The following UNC80 variants were observed in gnomAD, a reference collection of about 807,000 sequenced individuals.
The protein encoded by UNC80 is protein unc-80 homolog.
A neutral mutation model predicts 384.6 loss-of-function variants in UNC80; 164 were observed. The observed-to-expected ratio is 0.43, with a 90% confidence interval of 0.38 to 0.49. UNC80 has a LOEUF of 0.49. UNC80 is among the 20% of genes least tolerant of loss of function. The pLI is 0.00. For missense variants in UNC80, 3,330 were observed against 4,143.0 expected, an observed-to-expected ratio of 0.80 and a Z score of 5.39; for synonymous variants, 1,486 against 1,527.8, an observed-to-expected ratio of 0.97 and a Z score of 0.64.
At chr2:209,992,057 T>G in intron 61 of UNC80, 109 bp from the exon 62 acceptor site, 1 of 763,618 alleles carries the variant, frequency 1.3e-6, no homozygotes, top group Non-Finnish European at 2.0e-6. Flanking sequence ...TCAAAGATAA[T>G]GGTATCTTTG....
intron 59 of UNC80, among the ~76,000 whole-genome samples, chr2:209,980,550 T>C (rs2093132587): frequency 6.6e-6 from 1 of 152,214 alleles, no homozygotes; most frequent in Non-Finnish European, 1.5e-5. Flanking sequence ...GTTTGTGATA[T>C]GGGTGTGTAG....
intron 11 of UNC80, among the ~76,000 whole-genome samples, chr2:209,818,540 T>C (rs2079908665): frequency 6.6e-6 from 1 of 152,204 alleles, no homozygotes; most frequent in Admixed American, 6.5e-5. Context: ...TTCAATGATA[T>C]CTGTTAGTTA....
intron 42 of UNC80, among the ~76,000 whole-genome samples, chr2:209,938,943 G>A (rs1018511202): frequency 1.3e-5 from 2 of 152,086 alleles, no homozygotes; most frequent in African/African-American, 4.8e-5. Context: ...AAGGACCTAA[G>A]AACCAAGAGC....
At chr2:209,964,643 C>A (rs750696559) in intron 51 of UNC80, among the ~76,000 whole-genome samples, 76 of 151,984 alleles carry the variant, frequency 5.0e-4, no homozygotes, top group Non-Finnish European at 1.0e-3. Context: ...CAAAAATTAG[C>A]TGGGCGTGGT....
chr2:209,836,301 A>G (rs1468053482), intron 18 of UNC80, among the ~76,000 whole-genome samples: 1 of 152,196 alleles, frequency 6.6e-6, no homozygotes, highest in Admixed American at 6.5e-5. Context: ...CCATGAGACT[A>G]GTTAAAAGGC....
chr2:209,926,578 A>G (rs570768143), intron 35 of UNC80, among the ~76,000 whole-genome samples: 22 of 152,266 alleles, frequency 1.4e-4, no homozygotes, highest in African/African-American at 5.3e-4. Flanking sequence ...GTAGTTCAAG[A>G]CCGACTGGGG....
intron 25 of UNC80, among the ~76,000 whole-genome samples, chr2:209,884,018 C>A (rs192771407): frequency 6.6e-6 from 1 of 152,090 alleles, no homozygotes; most frequent in African/African-American, 2.4e-5. Context: ...TGCTTCCCCC[C>A]CTCCCCCACA....
intron 7 of UNC80, chr2:209,809,559 C>CT: frequency 1.1e-6 from 1 of 905,180 alleles, no homozygotes; most frequent in South Asian, 1.5e-5. Context: ...AAGAGTCGGG[C>CT]TGCTCAGGGG....
At chr2:209,813,525 G>A (rs994253687) in intron 7 of UNC80, 55 bp from the exon 8 acceptor site, 11 of 1,517,226 alleles carry the variant, frequency 7.3e-6, no homozygotes, top group African/African-American at 1.4e-5. Context: ...ATGCTGTGCT[G>A]CCCCTCTGAA....
intron 21 of UNC80, among the ~76,000 whole-genome samples, chr2:209,847,761 C>T (rs2082267414): frequency 1.3e-5 from 2 of 151,928 alleles, no homozygotes; most frequent in African/African-American, 4.8e-5. Flanking sequence ...ATAAAATGAT[C>T]TCAACTGTTC....
chr2:209,920,753 A>G (rs1197194896), intron 33 of UNC80, among the ~76,000 whole-genome samples: 1 of 152,184 alleles, frequency 6.6e-6, no homozygotes, highest in African/African-American at 2.4e-5. Context: ...ACTGGCTTAT[A>G]TGAGAGATCT....
At chr2:209,906,612 A>T (rs941915023) in intron 29 of UNC80, among the ~76,000 whole-genome samples, 1 of 152,148 alleles carries the variant, frequency 6.6e-6, no homozygotes, top group Non-Finnish European at 1.5e-5. Flanking sequence ...GGCTTTTTAA[A>T]CTAGACTGTT....
At chr2:209,959,890 A>G (rs1056253127) in intron 51 of UNC80, among the ~76,000 whole-genome samples, 183 bp downstream of exon 51, 8 of 152,204 alleles carry the variant, frequency 5.3e-5, no homozygotes, top group African/African-American at 1.7e-4. Context: ...AAGTCCATCA[A>G]ACAGGATCTT....
At chr2:209,929,691 T>C (rs559695625) in intron 36 of UNC80, among the ~76,000 whole-genome samples, 180 bp from the exon 37 acceptor site, 2 of 152,188 alleles carry the variant, frequency 1.3e-5, no homozygotes, top group Non-Finnish European at 2.9e-5. Flanking sequence ...GTTCTTTACA[T>C]GTGAAAATGT....
chr2:209,852,906 AT>A (rs1269807241), intron 22 of UNC80, among the ~76,000 whole-genome samples: 3 of 152,080 alleles, frequency 2.0e-5, no homozygotes, highest in Non-Finnish European at 4.4e-5. Context: ...TTGTGGTTTT[AT>A]TTAGATATAT....
At position 209,849,480 on chromosome 2, in the gene UNC80, C is replaced by G. The variant is rs925444475; in HGVS notation, c.3484C>G (p.Pro1162Ala). 1.3e-6 allele frequency: 2 copies of G among 1,550,872 alleles called. No homozygotes were observed. The highest frequency in any genetic ancestry group is 8.7e-7 in the Non-Finnish European group (1 of 1,146,482). The change falls in exon 22 of 65, where the codon CCC (proline) becomes GCC (alanine). Residue 1162 changes from proline to alanine, a missense_variant. Transcript: ENST00000673920. Reference sequence around the variant, plus strand: ...CCACAGTTTTGATGATCATCTCTCTCCCAACCAAGATGGTGGAAAAAGCAA... The same window carrying G: ...CCACAGTTTTGATGATCATCTCTCTGCCAACCAAGATGGTGGAAAAAGCAA... ...GCHSFDDHLS[P>A]NQDGGKSKNV... is the part of the protein sequence containing the mutation.
chr2:209,780,267 C>G (rs1034564484), intron 4 of UNC80, among the ~76,000 whole-genome samples: 2 of 152,064 alleles, frequency 1.3e-5, no homozygotes, highest in African/African-American at 4.8e-5. Context: ...ACAATTCATA[C>G]AAAATACTAC....
intron 44 of UNC80, among the ~76,000 whole-genome samples, chr2:209,942,541 C>G (rs1352832110): frequency 2.0e-5 from 3 of 152,156 alleles, no homozygotes; most frequent in Non-Finnish European, 4.4e-5. Context: ...AGGCAGGGCC[C>G]AGGGGCTCAT....
intron 5 of UNC80, among the ~76,000 whole-genome samples, chr2:209,788,727 A>C (rs2077613079): frequency 6.6e-6 from 1 of 151,126 alleles, no homozygotes; most frequent in Admixed American, 6.6e-5. Context: ...AGCCTATTAC[A>C]AAAGAGTCAA....
Sources: allele counts gnomAD v4.1 joint callset (sites outside exome capture counted in the v4.1 genomes callset), GRCh38; gene constraint gnomAD v4.1.1; transcripts MANE v1.5; gene names NCBI Gene and HGNC (gene_info 2026-07-23, HGNC 2026-07-21).